Variants in PRLR observed in about 807,000 individuals in gnomAD.
The protein encoded by PRLR is hPRL receptor.
A neutral mutation model predicts 40.2 loss-of-function variants in PRLR; 13 were observed. The ratio of observed to expected loss-of-function variants is 0.32; its 90% CI spans 0.21 to 0.51. PRLR has a LOEUF of 0.51. Ranked by LOEUF, PRLR falls within the 20% of genes least tolerant of loss-of-function variation. The probability of loss-of-function intolerance (pLI) is 0.97; values close to 1 mark genes in which losing one functional copy is unlikely to be tolerated. For missense variants in PRLR, 656 were observed against 747.3 expected (o/e 0.88, Z 1.42); for synonymous variants, 269 against 278.7 (o/e 0.97, Z 0.35).
intron 1 of PRLR, among the ~76,000 whole-genome samples, chr5:35,202,325 G>C (rs186380446): frequency 6.6e-6 from 1 of 152,144 alleles, no homozygotes; most frequent in Non-Finnish European, 1.5e-5. Flanking sequence ...GGATCAAACC[G>C]TTCAGCACAG....
Position 35,102,145 on chromosome 5 carries a change from G to T in PRLR, c.-43-12482C>A, listed in dbSNP as rs536234564. On this transcript the variant is annotated intron_variant, in intron 2 of 9. Transcript: ENST00000618457. ...GCCCGGCCAAACTTTTAATCTATTG[G>T]GTGCACACTTCTAAAAATGAGGCGC... is the stretch of plus-strand genomic sequence containing the variant. Among the ~76,000 whole-genome samples the T allele has an allele frequency of 3.3e-5, 5 of 151,838 alleles. No individual in the cohort carries two copies. In the East Asian group the frequency reaches 9.7e-4, roughly 29 times the overall value.
chr5:35,110,243 T>C (rs973962601), intron 2 of PRLR, among the ~76,000 whole-genome samples: 2 of 152,040 alleles, frequency 1.3e-5, no homozygotes, highest in African/African-American at 4.8e-5. Flanking sequence ...GGTGATAGCA[T>C]TAGGAGATAT....
intron 1 of PRLR, 85 bp from the exon 2 acceptor site, chr5:35,118,207 G>T: frequency 1.6e-6 from 1 of 633,380 alleles, no homozygotes; most frequent in Non-Finnish European, 2.0e-6. Context: ...ACGTAGCATG[G>T]CTGAACATTG....
chr5:35,069,982 G>C, intron 7 of PRLR, 142 bp downstream of exon 7: 2 of 954,450 alleles, frequency 2.1e-6, no homozygotes, highest in Non-Finnish European at 3.0e-6. Context: ...AAATGTCTTC[G>C]TATTGGGCAG....
At chr5:35,095,577 A>G (rs1771481787) in intron 2 of PRLR, among the ~76,000 whole-genome samples, 1 of 152,176 alleles carries the variant, frequency 6.6e-6, no homozygotes, top group Admixed American at 6.5e-5. Flanking sequence ...CTCTGCCAAT[A>G]ATTAGCTTCA....
chr5:35,120,365 A>T (rs1773247406), intron 1 of PRLR, among the ~76,000 whole-genome samples: 1 of 152,092 alleles, frequency 6.6e-6, no homozygotes, highest in Non-Finnish European at 1.5e-5. Context: ...GAGTCTCTAC[A>T]TTCTCTTCAA....
chr5:35,119,382 T>TCACACACACACA (rs1285946969), intron 1 of PRLR, among the ~76,000 whole-genome samples: 22 of 140,014 alleles, frequency 1.6e-4, no homozygotes, highest in African/African-American at 6.3e-4. Flanking sequence ...TCTCTCTCTC[T>TCACACACACACA]CTCTCACACA....
In PRLR at chr5:35,075,243, G is replaced by T. The variant is rs376227160; in HGVS notation, c.374-2499C>A. On this transcript the variant is annotated intron_variant, in intron 5 of 9. Coordinates refer to ENST00000618457, the MANE Select transcript of PRLR (RefSeq NM_000949.7). ...GTGAGGCGAAGCAGGGCAGGTCATT[G>T]TCTCACCCGGGAAGTGCAAGGGGTC... 1.5e-3 allele frequency among the ~76,000 whole-genome samples: 221 copies of T among 152,294 alleles called. 6 individuals are homozygous for T. In the South Asian group the frequency reaches 0.043, roughly 30 times the overall value.
chr5:35,190,578 A>G (rs568412888), intron 1 of PRLR, among the ~76,000 whole-genome samples: 10 of 151,830 alleles, frequency 6.6e-5, no homozygotes, highest in African/African-American at 2.2e-4. Context: ...GTGCCACTGC[A>G]CTCCAGCATG....
chr5:35,175,263 T>A (rs1269796768), intron 1 of PRLR, among the ~76,000 whole-genome samples: 1 of 152,204 alleles, frequency 6.6e-6, no homozygotes, highest in Non-Finnish European at 1.5e-5. Context: ...TCTCACAAGA[T>A]CTGATAGTTT....
At chr5:35,127,174 G>A (rs374592764) in intron 1 of PRLR, among the ~76,000 whole-genome samples, 2 of 152,296 alleles carry the variant, frequency 1.3e-5, no homozygotes, top group African/African-American at 2.4e-5. Context: ...ACAGGACCAC[G>A]TGGCAAGTAG....
intron 1 of PRLR, among the ~76,000 whole-genome samples, chr5:35,141,191 A>G (rs1257006532): frequency 6.6e-6 from 1 of 151,316 alleles, no homozygotes; most frequent in Non-Finnish European, 1.5e-5. Context: ...TTGTTTGGCT[A>G]TTTCATCATT....
chr5:35,097,332 C>T (rs1044228594), intron 2 of PRLR, among the ~76,000 whole-genome samples: 19 of 152,256 alleles, frequency 1.2e-4, no homozygotes, highest in African/African-American at 4.1e-4. Flanking sequence ...TTTGTTAACT[C>T]GCTTCACCCT....
intron 1 of PRLR, among the ~76,000 whole-genome samples, chr5:35,162,334 C>G (rs1774697498): frequency 6.6e-6 from 1 of 152,164 alleles, no homozygotes; most frequent in South Asian, 2.1e-4. Context: ...CAAAACAAAC[C>G]ACAAAGTTTG....
At chr5:35,158,000 A>T (rs887319689) in intron 1 of PRLR, among the ~76,000 whole-genome samples, 1 of 152,198 alleles carries the variant, frequency 6.6e-6, no homozygotes, top group African/African-American at 2.4e-5. Flanking sequence ...TGCTAGCCTC[A>T]CACTTTGAGT....
At chr5:35,164,214 A>C (rs1774756794) in intron 1 of PRLR, among the ~76,000 whole-genome samples, 1 of 152,234 alleles carries the variant, frequency 6.6e-6, no homozygotes, top group South Asian at 2.1e-4. Flanking sequence ...TATATAAAGA[A>C]TGGAAACTTA....
intron 5 of PRLR, among the ~76,000 whole-genome samples, chr5:35,074,632 T>C (rs1025563788): frequency 2.6e-5 from 4 of 151,710 alleles, no homozygotes; most frequent in Non-Finnish European, 4.4e-5. Context: ...GAAGTTTTCA[T>C]TGAGGGAGGT....
intron 1 of PRLR, among the ~76,000 whole-genome samples, chr5:35,122,236 GT>G (rs981567558): frequency 4.6e-5 from 7 of 151,162 alleles, no homozygotes; most frequent in Non-Finnish European, 7.4e-5. Context: ...GTTCTTTCTT[GT>G]TTTTTTTTCT....
intron 2 of PRLR, among the ~76,000 whole-genome samples, chr5:35,093,804 G>A (rs1032066699): frequency 3.3e-5 from 5 of 152,144 alleles, no homozygotes; most frequent in Admixed American, 1.3e-4. Context: ...AATGCTGTAT[G>A]TTTACTGTTC....
Sources: allele counts gnomAD v4.1 joint callset (sites outside exome capture counted in the v4.1 genomes callset), GRCh38; gene constraint gnomAD v4.1.1; transcripts MANE v1.5; gene names NCBI Gene and HGNC (gene_info 2026-07-23, HGNC 2026-07-21).